SLC22A13: variants seen among roughly 807,000 people sequenced by gnomAD.
The protein encoded by SLC22A13 is organic anion transporter 10.
In SLC22A13, 42 loss-of-function variants were observed where a neutral mutation model predicts 49.1. The ratio of observed to expected loss-of-function variants is 0.85; its 90% CI spans 0.67 to 1.11. The LOEUF (loss-of-function observed/expected upper bound fraction) is 1.11, where lower values mean the gene tolerates loss of function less well. SLC22A13 is among the 50% of genes least tolerant of loss of function. The pLI is 0.00. For missense variants in SLC22A13, 694 were observed against 712.8 expected, an observed-to-expected ratio of 0.97 and a Z score of 0.30; for synonymous variants, 282 against 293.1, an observed-to-expected ratio of 0.96 and a Z score of 0.39.
intron 1 of SLC22A13, among the ~76,000 whole-genome samples, chr3:38,267,518 A>C (rs1022929468): frequency 6.6e-6 from 1 of 152,156 alleles, no homozygotes; most frequent in Non-Finnish European, 1.5e-5. Flanking sequence ...CACCTGGCCA[A>C]ATATCATCAT....
chr3:38,276,004 T>A lies in SLC22A13; in HGVS notation c.1145T>A (p.Phe382Tyr), dbSNP rs748123344. Residue 382 changes from phenylalanine to tyrosine, a missense_variant, in exon 7 of 10, where the codon TTC becomes TAC. Transcript: ENST00000311856. ...VEVPARCSSI[F>Y]MMQRFGRKWS... ...GTGCCTGCCCGCTGTTCCAGCATCT[T>A]CATGATGCAGAGGTTTGGCCGCAAG... 6.2e-7 allele frequency: 1 copy of A among 1,614,212 alleles called. No individual in the cohort carries two copies. Among genetic ancestry groups the A allele is most frequent in the South Asian group, 1.1e-5 (1 of 91,084 alleles).
Position 38,275,492 on chromosome 3 carries a change from T to A in SLC22A13, c.927+2T>A. The A allele has an allele frequency of 6.2e-7, 1 of 1,614,180 alleles. No individual in the cohort carries two copies. ...CTCTCCCCGGAGCTCATGAACCAGG[T>A]ACTTCCAGCAGGCCCAGGCCCAGGC... is the stretch of plus-strand genomic sequence containing the variant. On this transcript the variant is annotated splice_donor_variant, in intron 5 of 9. Transcript: ENST00000311856. LOFTEE classifies it high-confidence loss of function.
chr3:38,275,641 C>A lies in SLC22A13; in HGVS notation c.991C>A (p.Arg331=), dbSNP rs763123804. 5.6e-6 allele frequency: 9 copies of A among 1,614,170 alleles called. No individual in the cohort carries two copies. The highest frequency in any genetic ancestry group is 7.6e-6 in the Non-Finnish European group (9 of 1,180,034). The part of the protein sequence containing the change: ...ALDLFRHPQL[R]KVTLIIFCVW... ...GGATCTGTTCAGACACCCCCAGCTC[C>A]GGAAGGTGACCCTGATTATCTTCTG... The change falls in exon 6 of 10, where the codon CGG becomes AGG. Residue 331 remains arginine, a synonymous_variant. Coordinates refer to ENST00000311856, the MANE Select transcript of SLC22A13 (RefSeq NM_004256.4).
intron 3 of SLC22A13, 100 bp downstream of exon 3, chr3:38,274,858 C>A (rs1189157758): frequency 1.3e-6 from 2 of 1,539,336 alleles, no homozygotes; most frequent in Non-Finnish European, 1.8e-6. Context: ...TTCAGGTACC[C>A]CACATCTGAA....
At chr3:38,272,518 C>G (rs1276232940) in intron 1 of SLC22A13, among the ~76,000 whole-genome samples, 1 of 152,232 alleles carries the variant, frequency 6.6e-6, no homozygotes, top group Non-Finnish European at 1.5e-5. Context: ...ACTCCTGAGC[C>G]TGGGAACAGT....
At chr3:38,269,020 G>T (rs1182139501) in intron 1 of SLC22A13, among the ~76,000 whole-genome samples, 1 of 152,194 alleles carries the variant, frequency 6.6e-6, no homozygotes, top group East Asian at 1.9e-4. Context: ...CCAAGGAGCA[G>T]CTTAACAATT....
At chr3:38,266,556 C>T (rs1703466542) in intron 1 of SLC22A13, among the ~76,000 whole-genome samples, 1 of 152,096 alleles carries the variant, frequency 6.6e-6, no homozygotes, top group Admixed American at 6.6e-5. Flanking sequence ...ATCTTTGTGC[C>T]TTTCTCTCTA....
intron 1 of SLC22A13, among the ~76,000 whole-genome samples, chr3:38,269,097 A>G (rs572855194): frequency 6.6e-6 from 1 of 152,342 alleles, no homozygotes; most frequent in East Asian, 1.9e-4. Flanking sequence ...AAATTTTTTG[A>G]AGCAACAGAA....
chr3:38,278,463 C>G lies in SLC22A13; in HGVS notation c.*998C>G, dbSNP rs1275378006. 6.6e-6 allele frequency: 1 copy of G among 152,512 alleles called. No homozygotes were observed. The highest frequency in any genetic ancestry group is 6.5e-5 in the Admixed American group (1 of 15,282). The allele number at this position is 152,512 out of a possible 1,614,324, so 9.4% of individuals were successfully genotyped here. On this transcript the variant is annotated 3_prime_UTR_variant, in exon 10 of 10. Transcript: ENST00000311856. ...TCCCAGCTCCTCTTGGGACCCTTCT[C>G]CAGCCCCACCCAGCATTGCTCCTAC...
rs933264268 is a variant in SLC22A13, at chr3:38,275,649, G to A, written c.999G>A (p.Val333=). The A allele has an allele frequency of 2.9e-5, 46 of 1,614,006 alleles. No individual in the cohort carries two copies. Among genetic ancestry groups the A allele is most frequent in the Non-Finnish European group, 3.8e-5 (45 of 1,180,012 alleles). The change falls in exon 6 of 10, where the codon GTG becomes GTA. Residue 333 remains valine, a synonymous_variant. Coordinates refer to ENST00000311856, the MANE Select transcript of SLC22A13 (RefSeq NM_004256.4). ...TCAGACACCCCCAGCTCCGGAAGGTGACCCTGATTATCTTCTGTGTCTGGT... is the reference window on the plus strand; with the variant it reads ...TCAGACACCCCCAGCTCCGGAAGGTAACCCTGATTATCTTCTGTGTCTGGT... ...DLFRHPQLRK[V]TLIIFCVWFV...
At chr3:38,271,569 A>T (rs1158697664) in intron 1 of SLC22A13, among the ~76,000 whole-genome samples, 2 of 143,144 alleles carry the variant, frequency 1.4e-5, no homozygotes, top group African/African-American at 5.5e-5. Flanking sequence ...AAAAAAAAAA[A>T]TGACTCCCCT....
chr3:38,273,243 G>A (rs1322460991), intron 1 of SLC22A13, among the ~76,000 whole-genome samples: 3 of 152,288 alleles, frequency 2.0e-5, no homozygotes, highest in Admixed American at 6.5e-5. Flanking sequence ...TACAATAGAC[G>A]TGTGTACAGA....
Position 38,276,964 on chromosome 3 carries a change from A to G in SLC22A13, c.1399A>G (p.Thr467Ala), listed in dbSNP as rs766352623. 4.3e-6 allele frequency: 7 copies of G among 1,613,654 alleles called. No individual in the cohort carries two copies. The highest frequency in any genetic ancestry group is 1.7e-5 in the Admixed American group (1 of 59,952). The change falls in exon 9 of 10, where the codon ACA becomes GCA. Residue 467 changes from threonine to alanine, a missense_variant. By Grantham distance (58) the Thr-to-Ala change is moderately conservative (BLOSUM62 0). Coordinates refer to ENST00000311856, the MANE Select transcript of SLC22A13 (RefSeq NM_004256.4). ...GIFSRIGGIL[T>A]PLVILLGEYH... ...CTTCTCACGGATCGGGGGCATCCTCACACCACTTGTGATCCTGCTGGGAGA... is the reference window on the plus strand; with the variant it reads ...CTTCTCACGGATCGGGGGCATCCTCGCACCACTTGTGATCCTGCTGGGAGA...
In SLC22A13 at chr3:38,274,624, T is replaced by A; in HGVS notation, c.503T>A (p.Ile168Asn). 1 of 1,614,006 alleles carries A rather than the reference T, an allele frequency of 6.2e-7. No homozygotes were observed. Among genetic ancestry groups the A allele is most frequent in the East Asian group, 2.2e-5 (1 of 44,878 alleles). The change falls in exon 3 of 10, where the codon ATC becomes AAC. Residue 168 changes from isoleucine to asparagine, a missense_variant. Ile to Asn is a moderately radical substitution (Grantham distance 149, BLOSUM62 -3). Transcript: ENST00000311856. ...LCDRIGRKAT[I>N]LAQLLLFTLI... ...CTCAGGATTGGCCGCAAGGCCACAA[T>A]CCTGGCGCAGCTGCTCCTCTTCACC... is the stretch of plus-strand genomic sequence containing the variant.
At chr3:38,273,391 C>G (rs1322461608) in intron 1 of SLC22A13, among the ~76,000 whole-genome samples, 2 of 152,152 alleles carry the variant, frequency 1.3e-5, no homozygotes, top group Non-Finnish European at 2.9e-5. Flanking sequence ...TTCTCTCCCT[C>G]CCTCCCTCTG....
intron 1 of SLC22A13, among the ~76,000 whole-genome samples, chr3:38,271,542 C>CAAAAAAAAA (rs397837435): frequency 2.1e-5 from 1 of 48,406 alleles, no homozygotes; most frequent in East Asian, 7.5e-4. Context: ...GACGCTTTCT[C>CAAAAAAAAA]AAAAAAAAAA....
chr3:38,268,546 G>A (rs1224860671), intron 1 of SLC22A13, among the ~76,000 whole-genome samples: 1 of 152,128 alleles, frequency 6.6e-6, no homozygotes, highest in Non-Finnish European at 1.5e-5. Context: ...CTTTTTTTCA[G>A]ATTATGAACT....
rs757203550 is a variant in SLC22A13, at chr3:38,276,356, C to T, written c.1307C>T (p.Ser436Phe). The T allele has an allele frequency of 1.2e-6, 2 of 1,613,770 alleles. No individual in the cohort carries two copies. The highest frequency in any genetic ancestry group is 1.7e-6 in the Non-Finnish European group (2 of 1,179,810). The change falls in exon 8 of 10, where the codon TCC (serine) becomes TTC (phenylalanine). Residue 436 changes from serine to phenylalanine, a missense_variant. Coordinates refer to ENST00000311856, the MANE Select transcript of SLC22A13 (RefSeq NM_004256.4). Reference protein sequence around the residue: ...KMATAAAFTISYVYSAELFPT... With the variant: ...KMATAAAFTIFYVYSAELFPT... ...GCCACAGCTGCTGCCTTTACCATCT[C>T]CTATGTGTACTCTGCCGAGCTTTTC...
At position 38,274,383 on chromosome 3, in the gene SLC22A13, C is replaced by T. The variant is rs1315958960; in HGVS notation, c.482+8C>T. 3 of 1,608,894 alleles carry T rather than the reference C, an allele frequency of 1.9e-6. No individual in the cohort carries two copies. Among genetic ancestry groups the T allele is most frequent in the Non-Finnish European group, 2.6e-6 (3 of 1,175,344 alleles). Reference sequence around the variant, plus strand: ...TGGGCCCCTCTGCGACCGGTAAGAACCTTGCCCTGCCCACTCCCTGCCTAG... The same window carrying T: ...TGGGCCCCTCTGCGACCGGTAAGAATCTTGCCCTGCCCACTCCCTGCCTAG... On this transcript the variant is annotated splice_region_variant and intron_variant, in intron 2 of 9. Transcript: ENST00000311856.
Sources: allele counts gnomAD v4.1 joint callset (sites outside exome capture counted in the v4.1 genomes callset), GRCh38; gene constraint gnomAD v4.1.1; transcripts MANE v1.5; gene names NCBI Gene and HGNC (gene_info 2026-07-23, HGNC 2026-07-21).